KRT31: variants seen among roughly 807,000 people sequenced by gnomAD.
The protein encoded by KRT31 is keratin, type I cuticular Ha1.
A neutral mutation model predicts 40.8 loss-of-function variants in KRT31; 27 were observed. That is an observed-to-expected ratio of 0.66 (90% CI 0.49 to 0.91). The LOEUF (loss-of-function observed/expected upper bound fraction) is 0.91, where lower values mean the gene tolerates loss of function less well. Ranked by LOEUF, KRT31 falls within the 40% of genes least tolerant of loss-of-function variation. KRT31 has a pLI of 0.00. For missense variants in KRT31, 510 were observed against 544.1 expected, an observed-to-expected ratio of 0.94 and a Z score of 0.62; for synonymous variants, 231 against 231.9, an observed-to-expected ratio of 1.00 and a Z score of 0.03.
rs747610890 is a variant in KRT31, at chr17:41,395,416, C to A, written c.750+46G>T. ...AAGGATCAGACCCTGCCTCCGGGGC[C>A]CTGGGGGGCCTTGGGTCCTGAGGGG... On this transcript the variant is annotated intron_variant, in intron 4 of 6. Transcript: ENST00000251645. The A allele has an allele frequency of 3.1e-6, 5 of 1,613,830 alleles. No individual in the cohort carries two copies. In the South Asian group the frequency reaches 4.4e-5, roughly 14 times the overall value.
rs564579905 is a variant in KRT31 at position 41,393,934 on chromosome 17, G to A, written c.*82C>T. On this transcript the variant is annotated 3_prime_UTR_variant, in exon 7 of 7. Coordinates refer to ENST00000251645, the MANE Select transcript of KRT31 (RefSeq NM_002277.3). The stretch of plus-strand genomic sequence containing the variant: ...CCAGCCATGCAAATGATGTTTTCAG[G>A]CCCCTTTTGTTGAACCAGAGCCAGG... 11 of 1,473,488 alleles carry A rather than the reference G, an allele frequency of 7.5e-6. No homozygotes were observed. The East Asian group carries it at 2.3e-4, about 31-fold the overall frequency. 91.3% of individuals were successfully genotyped at this position (1,473,488 alleles called of 1,614,324 possible). A position where few individuals can be genotyped will look rare whatever the true frequency, so the allele number is the denominator to read the frequency against.
At position 41,395,063 on chromosome 17, in the gene KRT31, G is replaced by A. The variant is rs773503630; in HGVS notation, c.882C>T (p.Asp294=). ...TCTCTGTCAGCGTGTTTTCCAGAGA[G>A]TCTCGCTGTGGTGGAGAAGATTGGG... is the stretch of plus-strand genomic sequence containing the variant. ...IELQAQHNLR[D]SLENTLTESE... is the part of the protein sequence containing the mutation. The change falls in exon 6 of 7, where the codon GAC becomes GAT. Residue 294 remains aspartate, a synonymous_variant. Coordinates refer to ENST00000251645, the MANE Select transcript of KRT31 (RefSeq NM_002277.3). 6.2e-7 allele frequency: 1 copy of A among 1,614,252 alleles called. No individual in the cohort carries two copies. Among genetic ancestry groups the A allele is most frequent in the Non-Finnish European group, 8.5e-7 (1 of 1,180,034 alleles).
chr17:41,397,211 A>G lies in KRT31; in HGVS notation c.329T>C (p.Ile110Thr), dbSNP rs2018245069. ...CPSYQSYFKT[I>T]EELQQKILCT... ...GCTCACCTTCTGCTGGAGCTCCTCA[A>G]TGGTCTTAAAATAGGACTGGTAACT... The change falls in exon 1 of 7, where the codon ATT becomes ACT. Residue 110 changes from isoleucine to threonine, a missense_variant. Physicochemically the swap from Ile to Thr is moderately conservative, Grantham distance 89. Coordinates refer to ENST00000251645, the MANE Select transcript of KRT31 (RefSeq NM_002277.3). 26 of 1,614,126 alleles carry G rather than the reference A, an allele frequency of 1.6e-5. No individual in the cohort carries two copies. The highest frequency in any genetic ancestry group is 4.5e-5 in the East Asian group (2 of 44,870).
Position 41,394,895 on chromosome 17 carries a change from C to A in KRT31, c.1050G>T (p.Glu350Asp), listed in dbSNP as rs2018192834. ...QVLLDVRARL[E>D]CEINTYRSLL... ...GGCTCCGGTATGTGTTGATCTCACA[C>A]TCCAGCCGGGCACGCACATCCAGCA... Residue 350 changes from glutamate (E) to aspartate (D), a missense_variant, in exon 6 of 7, where the codon GAG (glutamate) becomes GAT (aspartate). Glu to Asp is a conservative substitution (Grantham distance 45, BLOSUM62 2). Transcript: ENST00000251645. 1.2e-6 allele frequency: 2 copies of A among 1,613,704 alleles called. No homozygotes were observed. The highest frequency in any genetic ancestry group is 1.7e-6 in the Non-Finnish European group (2 of 1,179,908).
intron 3 of KRT31, 21 bp from the exon 4 acceptor site, chr17:41,395,644 A>G (rs2018214468): frequency 6.2e-7 from 1 of 1,610,490 alleles, no homozygotes; most frequent in Non-Finnish European, 8.5e-7. Flanking sequence ...AGAAAATACA[A>G]GAGTTACTAT....
Position 41,394,936 on chromosome 17 carries a change from G to C in KRT31, c.1009C>G (p.Gln337Glu), listed in dbSNP as rs779801015. The change falls in exon 6 of 7, where the codon CAG becomes GAG. Residue 337 changes from glutamine to glutamate, a missense_variant. By Grantham distance (29) the Gln-to-Glu change is conservative. Coordinates refer to ENST00000251645, the MANE Select transcript of KRT31 (RefSeq NM_002277.3). ...EIRSDLERQN[Q>E]EYQVLLDVRA... ...ACATCCAGCAGCACCTGGTACTCCTGGTTCTGCCGCTCCAGGTCACTGCGG... is the reference window on the plus strand; with the variant it reads ...ACATCCAGCAGCACCTGGTACTCCTCGTTCTGCCGCTCCAGGTCACTGCGG... 1.2e-6 allele frequency: 2 copies of C among 1,614,126 alleles called. No individual in the cohort carries two copies. Among genetic ancestry groups the C allele is most frequent in the African/African-American group, 2.7e-5 (2 of 74,938 alleles).
Position 41,395,545 on chromosome 17 carries a change from G to A in KRT31, c.667C>T (p.Arg223Trp), listed in dbSNP as rs148992540. Residue 223 changes from arginine to tryptophan, a missense_variant, in exon 4 of 7, where the codon CGG becomes TGG. Transcript: ENST00000251645. ...TGACTCCTGGTCTCGTTCAGCACCCGATTCAGGTCCACAGTGGGAGCAGCA... is the reference window on the plus strand; with the variant it reads ...TGACTCCTGGTCTCGTTCAGCACCCAATTCAGGTCCACAGTGGGAGCAGCA... The part of the protein sequence containing the change: ...VDAAPTVDLN[R>W]VLNETRSQYE... The A allele has an allele frequency of 5.5e-5, 89 of 1,614,200 alleles. No individual in the cohort carries two copies. Among genetic ancestry groups the A allele is most frequent in the South Asian group, 1.4e-4 (13 of 91,086 alleles).
intron 1 of KRT31, 24 bp downstream of exon 1, chr17:41,397,168 G>C: frequency 6.2e-7 from 1 of 1,609,412 alleles, no homozygotes; most frequent in Non-Finnish European, 8.5e-7. Context: ...TCTCTTGCTT[G>C]GAGATGACAG....
chr17:41,394,256 T>C, intron 6 of KRT31, 87 bp from the exon 7 acceptor site: 1 of 1,457,120 alleles, frequency 6.9e-7, no homozygotes, highest in Non-Finnish European at 9.5e-7. Flanking sequence ...TAAGAATGCC[T>C]GGGTCAAGGG....
Sources: allele counts gnomAD v4.1 joint callset, GRCh38; gene constraint gnomAD v4.1.1; transcripts MANE v1.5; gene names NCBI Gene and HGNC (gene_info 2026-07-23, HGNC 2026-07-21).